The following LMX1A variants were observed in gnomAD, a reference collection of about 807,000 sequenced individuals.
LMX1A encodes the protein LIM homeobox transcription factor 1-alpha.
Under a neutral mutation model 49.1 loss-of-function variants are expected in LMX1A, and 15 were observed. That is an observed-to-expected ratio of 0.31 (90% CI 0.20 to 0.47). LMX1A has a LOEUF of 0.47. Among genes scored for constraint, LMX1A ranks in the 20% least tolerant of loss-of-function variants. The probability of loss-of-function intolerance (pLI) is 1.00; values close to 1 mark genes in which losing one functional copy is unlikely to be tolerated. For missense variants in LMX1A, 372 were observed against 475.8 expected, an observed-to-expected ratio of 0.78 and a Z score of 2.03; for synonymous variants, 167 against 185.7, an observed-to-expected ratio of 0.90 and a Z score of 0.82.
chr1:165,307,012 G>C (rs1219051626), intron 3 of LMX1A, among the ~76,000 whole-genome samples: 2 of 152,270 alleles, frequency 1.3e-5, no homozygotes, highest in Non-Finnish European at 2.9e-5. Context: ...GGCTGCGTCT[G>C]TGCATATGGG....
chr1:165,279,312 G>T (rs1654071037), intron 3 of LMX1A, among the ~76,000 whole-genome samples: 2 of 152,194 alleles, frequency 1.3e-5, no homozygotes, highest in Admixed American at 6.5e-5. Flanking sequence ...AGCAAGCACA[G>T]GCCTCAAGTT....
chr1:165,269,301 A>G (rs1157155524), intron 3 of LMX1A, among the ~76,000 whole-genome samples: 4 of 152,236 alleles, frequency 2.6e-5, no homozygotes, highest in African/African-American at 9.6e-5. Flanking sequence ...CTCATAATAG[A>G]CATTGCGGAT....
At chr1:165,213,432 G>A (rs1417729527) in intron 5 of LMX1A, among the ~76,000 whole-genome samples, 2 of 152,260 alleles carry the variant, frequency 1.3e-5, no homozygotes, top group African/African-American at 4.8e-5. Context: ...TGGTGTGCAT[G>A]CATGAAAGCT....
chr1:165,207,983 A>G, intron 7 of LMX1A, 80 bp downstream of exon 7: 2 of 1,217,592 alleles, frequency 1.6e-6, no homozygotes, highest in Non-Finnish European at 1.2e-6. Context: ...ATGTCATCCA[A>G]AGAGCTGGGT....
At chr1:165,308,940 C>T (rs993319060) in intron 3 of LMX1A, among the ~76,000 whole-genome samples, 1 of 152,122 alleles carries the variant, frequency 6.6e-6, no homozygotes, top group South Asian at 2.1e-4. Flanking sequence ...GGTCCTTCCC[C>T]CTCTGTTTTG....
At chr1:165,237,545 A>G (rs570702574) in intron 4 of LMX1A, among the ~76,000 whole-genome samples, 4 of 152,246 alleles carry the variant, frequency 2.6e-5, no homozygotes, top group African/African-American at 9.6e-5. Context: ...CACACACAAT[A>G]TGCAAATCCC....
chr1:165,304,571 C>T (rs1571212381), intron 3 of LMX1A, among the ~76,000 whole-genome samples: 1 of 152,176 alleles, frequency 6.6e-6, no homozygotes, highest in South Asian at 2.1e-4. Context: ...TAAGAATTAA[C>T]TGCACATGGT....
At chr1:165,350,822 A>C (rs1656404006) in intron 3 of LMX1A, among the ~76,000 whole-genome samples, 1 of 152,236 alleles carries the variant, frequency 6.6e-6, no homozygotes, top group Non-Finnish European at 1.5e-5. Context: ...TGGTTCCAAA[A>C]ATATTTTTAA....
At chr1:165,277,611 TTACTC>T (rs769279765) in intron 3 of LMX1A, among the ~76,000 whole-genome samples, 2 of 152,314 alleles carry the variant, frequency 1.3e-5, no homozygotes, top group African/African-American at 2.4e-5. Context: ...AAGTCCGTCT[TTACTC>T]TACCAGCCCT....
chr1:165,349,647 A>T (rs1656358382), intron 3 of LMX1A, among the ~76,000 whole-genome samples: 1 of 152,148 alleles, frequency 6.6e-6, no homozygotes, highest in African/African-American at 2.4e-5. Context: ...AAGATAAATT[A>T]TTCCTAACGG....
At chr1:165,243,066 A>C (rs1256727323) in intron 4 of LMX1A, among the ~76,000 whole-genome samples, 1 of 152,110 alleles carries the variant, frequency 6.6e-6, no homozygotes, top group Admixed American at 6.5e-5. Context: ...CGTTCAGTTG[A>C]GGGTTATACC....
chr1:165,311,851 T>C (rs189380726), intron 3 of LMX1A, among the ~76,000 whole-genome samples: 1 of 152,280 alleles, frequency 6.6e-6, no homozygotes, highest in African/African-American at 2.4e-5. Context: ...AGGGCACTGA[T>C]GTGTGATGTG....
intron 3 of LMX1A, among the ~76,000 whole-genome samples, chr1:165,295,772 G>C (rs6687120): frequency 0.87 from 132,441 of 152,076 alleles, 57,735 homozygotes; most frequent in Middle Eastern, 0.92. Context: ...CCCCCAACTG[G>C]CAGGTCTCAG....
chr1:165,207,956 C>T, intron 7 of LMX1A, 107 bp downstream of exon 7: 7 of 914,348 alleles, frequency 7.7e-6, no homozygotes, highest in South Asian at 4.9e-5. Flanking sequence ...GTGGTCTAGG[C>T]TTCACTGAGT....
rs750406000 is a variant in LMX1A, at chr1:165,205,922, A to C, written c.930T>G (p.Asp310Glu). The C allele has an allele frequency of 6.2e-6, 10 of 1,613,842 alleles. No homozygotes were observed. The African/African-American group carries it at 1.2e-4, about 19-fold the overall frequency. Residue 310 changes from aspartate (D) to glutamate (E), a missense_variant, in exon 8 of 9, where the codon GAT becomes GAG. Around this residue, in one of 3 missense-constraint regions of LMX1A, gnomAD observed 127 missense variants for 138.0 expected, o/e 0.92. Coordinates refer to ENST00000342310, the MANE Select transcript of LMX1A (RefSeq NM_177398.4). Reference sequence around the variant, plus strand: ...GTGGGGTGAGACCCTGTCGGAAGGGATCTGAGCTGTAGACACTCTGCTCGA... The same window carrying C: ...GTGGGGTGAGACCCTGTCGGAAGGGCTCTGAGCTGTAGACACTCTGCTCGA... ...LAIEQSVYSS[D>E]PFRQGLTPPQ...
chr1:165,240,543 T>C (rs1385197395), intron 4 of LMX1A, among the ~76,000 whole-genome samples: 6 of 152,200 alleles, frequency 3.9e-5, no homozygotes, highest in Admixed American at 3.3e-4. Flanking sequence ...AACTAAAACA[T>C]AGCATTCAGC....
chr1:165,225,131 A>G lies in LMX1A; in HGVS notation c.497-11318T>C, dbSNP rs139116081. Among the ~76,000 whole-genome samples the G allele has an allele frequency of 6.8e-4, 103 of 152,318 alleles. No individual in the cohort carries two copies. In the East Asian group the frequency reaches 0.015, roughly 22 times the overall value. On this transcript the variant is annotated intron_variant, in intron 4 of 8. Transcript: ENST00000342310. ...TTGTTATCCAGCCAGTCCTCATGTGACTGCAACACATAGTCTCCAAGGACA... is the reference window on the plus strand; with the variant it reads ...TTGTTATCCAGCCAGTCCTCATGTGGCTGCAACACATAGTCTCCAAGGACA...
intron 3 of LMX1A, among the ~76,000 whole-genome samples, chr1:165,253,547 T>G (rs1653129690): frequency 6.6e-6 from 1 of 152,300 alleles, no homozygotes; most frequent in East Asian, 1.9e-4. Context: ...TTGGAAAAGA[T>G]GATGAAGCCA....
chr1:165,297,845 T>C (rs1432724116), intron 3 of LMX1A, among the ~76,000 whole-genome samples: 1 of 152,174 alleles, frequency 6.6e-6, no homozygotes, highest in Non-Finnish European at 1.5e-5. Context: ...GTTTTATAGC[T>C]GTGGGAACTC....
Sources: gnomAD v4.1 joint callset for allele counts (sites outside exome capture counted in the v4.1 genomes callset) on GRCh38, gnomAD v4.1.1 for gene constraint, gnomAD v4.1.1 regional missense constraint, MANE v1.5 for transcripts, NCBI Gene and HGNC (gene_info 2026-07-23, HGNC 2026-07-21) for gene names.